EDEM1: variants seen among roughly 807,000 people sequenced by gnomAD.
The protein encoded by EDEM1 is ER degradation enhancing alpha-mannosidase like protein 1, also known as ER degradation-enhancing alpha-mannosidase-like protein 1.
In EDEM1, 67 loss-of-function variants were observed where a neutral mutation model predicts 74.4. That is an observed-to-expected ratio of 0.90 (90% CI 0.74 to 1.10). EDEM1 has a LOEUF of 1.10. EDEM1 is among the 50% of genes least tolerant of loss of function. The pLI is 0.00. For synonymous variants in EDEM1, 382 were observed against 335.9 expected (o/e 1.14, Z -1.50); for missense variants, 926 against 851.6 (o/e 1.09, Z -1.09).
Position 5,203,166 on chromosome 3 carries a change from C to T in EDEM1, c.1042+17C>T, listed in dbSNP as rs776881057. The T allele has an allele frequency of 2.3e-5, 35 of 1,545,986 alleles. No individual in the cohort carries two copies. The highest frequency in any genetic ancestry group is 1.8e-4 in the Middle Eastern group (1 of 5,602). On this transcript the variant is annotated intron_variant, in intron 5 of 11. Coordinates refer to ENST00000256497, the MANE Select transcript of EDEM1 (RefSeq NM_014674.3). The stretch of plus-strand genomic sequence containing the variant: ...GATTACTAGGTGTGGCACCTTTCCT[C>T]GCCATTGGGACTGCACACTGCTTGG...
chr3:5,203,245 C>A, intron 5 of EDEM1, 96 bp downstream of exon 5: 1 of 1,257,806 alleles, frequency 8.0e-7, no homozygotes, highest in Non-Finnish European at 1.1e-6. Flanking sequence ...CTCTTCAACT[C>A]AATTGACAAC....
chr3:5,208,250 A>G lies in EDEM1; in HGVS notation c.1496A>G (p.Tyr499Cys), dbSNP rs755548077. ...AGACCAGAGTTAGTGGAATCCACAT[A>G]TCTCCTCTACCAGGTACTAGAGTTG... is the stretch of plus-strand genomic sequence containing the variant. ...PLRPELVEST[Y>C]LLYQATKNPF... The change falls in exon 8 of 12, where the codon TAT becomes TGT. Residue 499 changes from tyrosine to cysteine, a missense_variant. Coordinates refer to ENST00000256497, the MANE Select transcript of EDEM1 (RefSeq NM_014674.3). 1 of 1,608,568 alleles carries G rather than the reference A, an allele frequency of 6.2e-7. No individual in the cohort carries two copies. Among genetic ancestry groups the G allele is most frequent in the African/African-American group, 1.4e-5 (1 of 73,886 alleles).
rs753743181 is a variant in EDEM1, at chr3:5,188,027, G to A, written c.222G>A (p.Pro74=). ...TATCCGGGCCGTCGTGGCTGCAGCC[G>A]CCGGGGACCGGGGCAGCGCAGAGCC... is the stretch of plus-strand genomic sequence containing the variant. ...GGVSGPSWLQ[P]PGTGAAQSPR... is the part of the protein sequence containing the mutation. The change falls in exon 1 of 12, where the codon CCG becomes CCA. Residue 74 remains proline (P), a synonymous_variant. Transcript: ENST00000256497. The A allele has an allele frequency of 2.7e-6, 4 of 1,454,718 alleles. No individual in the cohort carries two copies. The South Asian group carries it at 4.2e-5, about 15-fold the overall frequency. 90.1% of individuals were successfully genotyped at this position (1,454,718 alleles called of 1,614,324 possible).
Position 5,187,942 on chromosome 3 carries a change from TGAG to T in EDEM1, c.141_143del (p.Arg47del). The T allele has an allele frequency of 1.3e-6, 2 of 1,580,430 alleles. No individual in the cohort carries two copies. The highest frequency in any genetic ancestry group is 8.6e-7 in the Non-Finnish European group (1 of 1,166,902). On this transcript the variant is annotated inframe_deletion, in exon 1 of 12. Transcript: ENST00000256497. ...CCGCTCAGCTTCGGCTTCCAGCGTC[TGAG>T]GAGCCCCGACGGCCCCGCGTCGCCC...
chr3:5,207,974 C>G, intron 7 of EDEM1, 119 bp from the exon 8 acceptor site: 1 of 1,249,826 alleles, frequency 8.0e-7, no homozygotes. Context: ...TGTCTTTAAC[C>G]GTATGTGTAG....
chr3:5,214,068 C>G (rs371456734), intron 11 of EDEM1, among the ~76,000 whole-genome samples: 5 of 152,188 alleles, frequency 3.3e-5, no homozygotes, highest in Non-Finnish European at 7.3e-5. Context: ...AGATGCTCTT[C>G]GAAGTGCAGC....
At position 5,188,343 on chromosome 3, in the gene EDEM1, G is replaced by C. The variant is rs770970397; in HGVS notation, c.509+29G>C. On this transcript the variant is annotated intron_variant, in intron 1 of 11. Coordinates refer to ENST00000256497, the MANE Select transcript of EDEM1 (RefSeq NM_014674.3). ...AGTAGCCCCCGCCGCCCGGGGCCGC[G>C]CGCCCACGCGCTTCCTTCCGCCCTC... 7 of 1,388,488 alleles carry C rather than the reference G, an allele frequency of 5.0e-6. No homozygotes were observed. In the Admixed American group the frequency reaches 2.2e-4, roughly 43 times the overall value. 86.0% of individuals were successfully genotyped at this position (1,388,488 alleles called of 1,614,324 possible). A position where few individuals can be genotyped will look rare whatever the true frequency, so the allele number is the denominator to read the frequency against.
At chr3:5,194,840 G>T (rs2054944054) in intron 1 of EDEM1, among the ~76,000 whole-genome samples, 1 of 152,180 alleles carries the variant, frequency 6.6e-6, no homozygotes, top group Admixed American at 6.5e-5. Flanking sequence ...TATGACAAGG[G>T]CTCTTCTTTA....
In EDEM1 at chr3:5,203,258, AG is replaced by A. The variant is rs2055055448; in HGVS notation, c.1042+110del. On this transcript the variant is annotated intron_variant, in intron 5 of 11. Transcript: ENST00000256497. The stretch of plus-strand genomic sequence containing the variant: ...TACTCTTCAACTCAATTGACAACTC[AG>A]CAAGAATTGTGTCAGCTCTATCTAA... 2.5e-5 allele frequency: 29 copies of A among 1,162,228 alleles called. 1 individual carries two copies. The South Asian group carries it at 5.5e-4, about 22-fold the overall frequency. The allele number at this position is 1,162,228 out of a possible 1,614,324, so 72.0% of individuals were successfully genotyped here. A position where few individuals can be genotyped will look rare whatever the true frequency, so the allele number is the denominator to read the frequency against.
chr3:5,189,289 C>T (rs976334550), intron 1 of EDEM1: 2 of 152,196 alleles, frequency 1.3e-5, no homozygotes, highest in African/African-American at 4.8e-5. Flanking sequence ...TTTCCTTCAC[C>T]TGGAGGAAAG....
intron 7 of EDEM1, among the ~76,000 whole-genome samples, chr3:5,207,762 C>T (rs2055116146): frequency 6.6e-6 from 1 of 152,190 alleles, no homozygotes; most frequent in Non-Finnish European, 1.5e-5. Flanking sequence ...CCCGCCTCAG[C>T]CTCTCAAAGT....
chr3:5,213,239 A>C, intron 10 of EDEM1, 80 bp from the exon 11 acceptor site: 12 of 1,380,238 alleles, frequency 8.7e-6, no homozygotes, highest in Non-Finnish European at 1.1e-5. Flanking sequence ...CTACTCCCTG[A>C]GTAGCTGGGA....
chr3:5,211,917 C>T (rs2055173532), intron 10 of EDEM1, among the ~76,000 whole-genome samples: 1 of 152,156 alleles, frequency 6.6e-6, no homozygotes, highest in Non-Finnish European at 1.5e-5. Flanking sequence ...TCTCGTGCCC[C>T]CTGCCACTTT....
rs1006521237 is a variant in EDEM1 at position 5,218,782 on chromosome 3, G to C, written c.*2864G>C. 6.6e-6 allele frequency: 1 copy of C among 152,162 alleles called. No individual in the cohort carries two copies. The highest frequency in any genetic ancestry group is 2.4e-5 in the African/African-American group (1 of 41,436). 9.4% of individuals were successfully genotyped at this position (152,162 alleles called of 1,614,324 possible). On this transcript the variant is annotated 3_prime_UTR_variant, in exon 12 of 12. Transcript: ENST00000256497. ...AATCATAGGTGGCAAGGGAGGGTTT[G>C]CTAGCTCTCCATTTGCACTGGCCAT...
intron 9 of EDEM1, 66 bp from the exon 10 acceptor site, chr3:5,211,054 G>T (rs968300253): frequency 8.5e-6 from 12 of 1,411,008 alleles, no homozygotes; most frequent in Non-Finnish European, 1.2e-5. Flanking sequence ...GAATGTTTCT[G>T]CTTCTTAAGT....
rs1184389698 is a variant in EDEM1 at position 5,216,673 on chromosome 3, TA to T, written c.*757del. 1 of 152,680 alleles carries T rather than the reference TA, an allele frequency of 6.5e-6. No individual in the cohort carries two copies. The highest frequency in any genetic ancestry group is 2.4e-5 in the African/African-American group (1 of 41,458). The allele number at this position is 152,680 out of a possible 1,614,324, so 9.5% of individuals were successfully genotyped here. ...ATTATTTGCTTAAGAAGAATGGTCT[TA>T]ACCAGAATTCTTAACAGATAGTCTC... is the stretch of plus-strand genomic sequence containing the variant. On this transcript the variant is annotated 3_prime_UTR_variant, in exon 12 of 12. Coordinates refer to ENST00000256497, the MANE Select transcript of EDEM1 (RefSeq NM_014674.3).
chr3:5,202,072 GA>G (rs1395963355), intron 4 of EDEM1, 148 bp downstream of exon 4: 1 of 1,001,236 alleles, frequency 1.0e-6, no homozygotes, highest in African/African-American at 1.6e-5. Context: ...CCTTAAATAT[GA>G]TGTAAATATT....
intron 11 of EDEM1, among the ~76,000 whole-genome samples, chr3:5,214,092 C>G (rs2055201391): frequency 6.6e-6 from 1 of 152,236 alleles, no homozygotes; most frequent in African/African-American, 2.4e-5. Flanking sequence ...CACCCACATT[C>G]ATTTAAAGTG....
At chr3:5,198,662 C>CTTTTTTTTTTT in intron 2 of EDEM1, among the ~76,000 whole-genome samples, 2 of 75,158 alleles carry the variant, frequency 2.7e-5, no homozygotes, top group Non-Finnish European at 2.7e-5. Context: ...ACGTATATAG[C>CTTTTTTTTTTT]TTTTTTTTTT....
Sources: gnomAD v4.1 joint callset for allele counts (sites outside exome capture counted in the v4.1 genomes callset) on GRCh38, gnomAD v4.1.1 for gene constraint, MANE v1.5 for transcripts, NCBI Gene and HGNC (gene_info 2026-07-23, HGNC 2026-07-21) for gene names.